The following XPR1 variants were observed in gnomAD, a reference collection of about 807,000 sequenced individuals.
XPR1 encodes the protein xenotropic and polytropic retrovirus receptor 1, also known as solute carrier family 53 member 1.
XPR1 carries 28 observed loss-of-function variants against 87.5 expected under a neutral mutation model. The observed-to-expected ratio is 0.32, with a 90% CI of 0.24 to 0.44. The LOEUF (loss-of-function observed/expected upper bound fraction) is 0.44, where lower values mean the gene tolerates loss of function less well. Ranked by LOEUF, XPR1 falls within the 20% of genes least tolerant of loss-of-function variation. XPR1 has a pLI of 1.00. For synonymous variants in XPR1, 300 were observed against 306.1 expected, an observed-to-expected ratio of 0.98 and a Z score of 0.21; for missense variants, 559 against 862.3, an observed-to-expected ratio of 0.65 and a Z score of 4.41.
intron 11 of XPR1, among the ~76,000 whole-genome samples, chr1:180,851,843 T>G (rs1651877499): frequency 6.6e-6 from 1 of 152,054 alleles, no homozygotes; most frequent in East Asian, 1.9e-4. Flanking sequence ...AGAGGTAACT[T>G]TGTTATTGAG....
rs1198573429 is a variant in XPR1 at position 180,806,206 on chromosome 1, A to G, written c.592A>G (p.Thr198Ala). ...GAAAATCAACCAGCTTATCTCTGAAACTGAGGTACAATAATCTCGTTTATT... is the reference window on the plus strand; with the variant it reads ...GAAAATCAACCAGCTTATCTCTGAAGCTGAGGTACAATAATCTCGTTTATT... ...CKKINQLISE[T>A]EAVVTNELED... Residue 198 changes from threonine (T) to alanine (A), a missense_variant, in exon 5 of 15, where the codon ACT (threonine) becomes GCT (alanine). Around this residue, in one of 7 missense-constraint regions of XPR1, gnomAD observed 159 missense variants for 263.3 expected, o/e 0.60. Transcript: ENST00000367590. 3.7e-6 allele frequency: 6 copies of G among 1,612,472 alleles called. No individual in the cohort carries two copies. Among genetic ancestry groups the G allele is most frequent in the Non-Finnish European group, 4.2e-6 (5 of 1,179,032 alleles).
chr1:180,877,419 A>G (rs1296427851), intron 13 of XPR1, among the ~76,000 whole-genome samples: 1 of 152,216 alleles, frequency 6.6e-6, no homozygotes, highest in South Asian at 2.1e-4. Context: ...AGGTGGCTAC[A>G]TAACAGTGGA....
At chr1:180,765,154 G>A (rs1356114136) in intron 2 of XPR1, among the ~76,000 whole-genome samples, 2 of 152,060 alleles carry the variant, frequency 1.3e-5, no homozygotes, top group African/African-American at 2.4e-5. Context: ...TTTAATCCTC[G>A]CAACAGTGCT....
chr1:180,660,534 G>T (rs1015119741), intron 1 of XPR1, among the ~76,000 whole-genome samples: 2 of 151,898 alleles, frequency 1.3e-5, no homozygotes, highest in Non-Finnish European at 1.5e-5. Flanking sequence ...ATAGGTTTTG[G>T]TATGTTGTGT....
chr1:180,776,935 TAGACTC>T (rs1648747450), intron 2 of XPR1, among the ~76,000 whole-genome samples: 1 of 152,206 alleles, frequency 6.6e-6, no homozygotes, highest in Non-Finnish European at 1.5e-5. Flanking sequence ...AACCTTAAGA[TAGACTC>T]AGATCAGAAA....
At chr1:180,708,808 C>T (rs978352813) in intron 2 of XPR1, among the ~76,000 whole-genome samples, 1 of 149,934 alleles carries the variant, frequency 6.7e-6, no homozygotes, top group Non-Finnish European at 1.5e-5. Flanking sequence ...AAAATTTTCC[C>T]CAAAATGAAA....
chr1:180,794,346 TGCTGTC>T (rs1649495694), intron 3 of XPR1, among the ~76,000 whole-genome samples: 1 of 152,230 alleles, frequency 6.6e-6, no homozygotes, highest in South Asian at 2.1e-4. Flanking sequence ...CTGTTGTACA[TGCTGTC>T]AGTCGTTGAC....
chr1:180,696,062 G>A (rs1487947356), intron 2 of XPR1, among the ~76,000 whole-genome samples: 1 of 151,524 alleles, frequency 6.6e-6, no homozygotes, highest in East Asian at 1.9e-4. Flanking sequence ...TGACCCATGA[G>A]CATGGGATAT....
rs150713326 is a variant in XPR1 at position 180,712,468 on chromosome 1, G to A, written c.121+30057G>A. 6.0e-3 allele frequency among the ~76,000 whole-genome samples: 917 copies of A among 152,286 alleles called. 37 individuals are homozygous for A. Among genetic ancestry groups the A allele is most frequent in the Admixed American group, 0.045 (684 of 15,286 alleles). On this transcript the variant is annotated intron_variant, in intron 2 of 14. Coordinates refer to ENST00000367590, the MANE Select transcript of XPR1 (RefSeq NM_004736.4). Reference sequence around the variant, plus strand: ...CAGACAGCTGTTGACAATGGTAACCGAAACTGTGGAAAGTGAAACCATAGT... The same window carrying A: ...CAGACAGCTGTTGACAATGGTAACCAAAACTGTGGAAAGTGAAACCATAGT...
chr1:180,694,721 A>G (rs998065175), intron 2 of XPR1, among the ~76,000 whole-genome samples: 4 of 151,804 alleles, frequency 2.6e-5, no homozygotes, highest in African/African-American at 4.8e-5. Context: ...AGCTTTAACC[A>G]TTATCAGTGA....
rs887932812 is a variant in XPR1, at chr1:180,887,438, A to G, written c.*3372A>G. On this transcript the variant is annotated 3_prime_UTR_variant, in exon 15 of 15. Coordinates refer to ENST00000367590, the MANE Select transcript of XPR1 (RefSeq NM_004736.4). ...AAAAGACAAGAGTGGTTTACTGTCT[A>G]TGCACAAATGAGTGCCTATATTTAA... The G allele has an allele frequency of 3.3e-5, 5 of 152,372 alleles. No homozygotes were observed. The highest frequency in any genetic ancestry group is 4.4e-5 in the Non-Finnish European group (3 of 68,038). The allele number at this position is 152,372 out of a possible 1,614,324, so 9.4% of individuals were successfully genotyped here.
intron 2 of XPR1, among the ~76,000 whole-genome samples, chr1:180,741,657 T>C (rs1229311868): frequency 6.6e-6 from 1 of 152,046 alleles, no homozygotes; most frequent in Admixed American, 6.6e-5. Context: ...CAGCTAATTT[T>C]TGTATTTTTA....
At chr1:180,678,055 A>T (rs966384897) in intron 1 of XPR1, among the ~76,000 whole-genome samples, 1 of 152,220 alleles carries the variant, frequency 6.6e-6, no homozygotes, top group African/African-American at 2.4e-5. Context: ...TGTACTTACC[A>T]TTACAGATGT....
At position 180,810,724 on chromosome 1, in the gene XPR1, C is replaced by T. The variant is rs1272462547; in HGVS notation, c.682-683C>T. Reference sequence around the variant, plus strand: ...TACTGACTTTAAAAATTTACAATTTCATTGTAAAAATGAAATTGCATCTTA... The same window carrying T: ...TACTGACTTTAAAAATTTACAATTTTATTGTAAAAATGAAATTGCATCTTA... On this transcript the variant is annotated intron_variant, in intron 6 of 14. Transcript: ENST00000367590. 2.0e-5 allele frequency among the ~76,000 whole-genome samples: 3 copies of T among 151,796 alleles called. No homozygotes were observed. The East Asian group carries it at 5.8e-4, about 29-fold the overall frequency.
intron 4 of XPR1, among the ~76,000 whole-genome samples, chr1:180,805,059 A>G (rs1282846716): frequency 6.6e-6 from 1 of 152,210 alleles, no homozygotes; most frequent in Non-Finnish European, 1.5e-5. Context: ...GTTCTGCTTT[A>G]TCTTCTATTC....
chr1:180,716,508 A>G (rs1191787142), intron 2 of XPR1, among the ~76,000 whole-genome samples: 1 of 151,850 alleles, frequency 6.6e-6, no homozygotes, highest in Non-Finnish European at 1.5e-5. Context: ...ACTCTTTATT[A>G]TTTCCTTGCT....
At chr1:180,642,443 A>C (rs1654990321) in intron 1 of XPR1, among the ~76,000 whole-genome samples, 1 of 152,130 alleles carries the variant, frequency 6.6e-6, no homozygotes, top group Admixed American at 6.5e-5. Flanking sequence ...ATAATAAAAC[A>C]ATAATGAGGA....
intron 11 of XPR1, among the ~76,000 whole-genome samples, chr1:180,843,661 C>G (rs1651588455): frequency 6.6e-6 from 1 of 150,484 alleles, no homozygotes; most frequent in Admixed American, 6.6e-5. Context: ...GAATAAATTT[C>G]CTTTGCATCT....
chr1:180,883,149 T>TTA (rs1553255848), intron 14 of XPR1, among the ~76,000 whole-genome samples: 1 of 148,922 alleles, frequency 6.7e-6, no homozygotes, highest in Non-Finnish European at 1.5e-5. Context: ...TTTTTTTTTT[T>TTA]AAGACAGGGT....
Sources: allele counts gnomAD v4.1 joint callset (sites outside exome capture counted in the v4.1 genomes callset), GRCh38; gene constraint gnomAD v4.1.1; regional missense constraint gnomAD v4.1.1; transcripts MANE v1.5; gene names NCBI Gene and HGNC (gene_info 2026-07-23, HGNC 2026-07-21).